Variants in NUP214 observed in about 807,000 individuals in gnomAD.
NUP214 encodes the protein nuclear pore complex protein Nup214.
A neutral mutation model predicts 196.2 loss-of-function variants in NUP214; 79 were observed. The ratio of observed to expected loss-of-function variants is 0.40; its 90% confidence interval spans 0.34 to 0.49. The LOEUF (loss-of-function observed/expected upper bound fraction) is 0.49. NUP214 is among the 20% of genes least tolerant of loss of function. NUP214 has a pLI of 0.58. For missense variants in NUP214, 2,468 were observed against 2,539.0 expected, an observed-to-expected ratio of 0.97 and a Z score of 0.60; for synonymous variants, 1,020 against 990.5, an observed-to-expected ratio of 1.03 and a Z score of -0.56.
chr9:131,229,476 G>C lies in NUP214; in HGVS notation c.6074+1145G>C, dbSNP rs542128035. On this transcript the variant is annotated intron_variant, in intron 33 of 35. Transcript: ENST00000359428. ...ACCACAGAGTTGGTAGAAGGTTTGG[G>C]TTGGCTGGGTATCTTGTGAATTGAT... 94 of 336,652 alleles carry C rather than the reference G, an allele frequency of 2.8e-4. 1 individual carries two copies. The highest frequency in any genetic ancestry group is 1.6e-3 in the African/African-American group (72 of 45,286). 20.9% of individuals were successfully genotyped at this position (336,652 alleles called of 1,614,324 possible). A position where few individuals can be genotyped will look rare whatever the true frequency, so the allele number is the denominator to read the frequency against.
intron 31 of NUP214, among the ~76,000 whole-genome samples, chr9:131,222,000 G>A (rs1834572156): frequency 6.6e-6 from 1 of 152,126 alleles, no homozygotes; most frequent in Admixed American, 6.5e-5. Flanking sequence ...CAGCCATCTT[G>A]GTTTTTAGTA....
chr9:131,146,007 GTA>G lies in NUP214; in HGVS notation c.1770-120_1770-119del, dbSNP rs1439215060. On this transcript the variant is annotated intron_variant, in intron 12 of 35. Coordinates refer to ENST00000359428, the MANE Select transcript of NUP214 (RefSeq NM_005085.4). The surrounding 1 kb of genome is among the most constrained non-coding windows in gnomAD (Gnocchi z 4.6). ...CATTTTTGTTTCCTGAAGGCAAAAAGTATGTTATCTTTGTAAGTTAACATAAA... is the reference window on the plus strand; with the variant it reads ...CATTTTTGTTTCCTGAAGGCAAAAAGTGTTATCTTTGTAAGTTAACATAAA... 5 of 952,122 alleles carry G rather than the reference GTA, an allele frequency of 5.3e-6. No individual in the cohort carries two copies. The highest frequency in any genetic ancestry group is 7.8e-6 in the Non-Finnish European group (5 of 639,186). 59.0% of individuals were successfully genotyped at this position (952,122 alleles called of 1,614,324 possible).
At chr9:131,173,115 G>A (rs2133585121) in intron 21 of NUP214, among the ~76,000 whole-genome samples, 1 of 152,262 alleles carries the variant, frequency 6.6e-6, no homozygotes, top group South Asian at 2.1e-4. Context: ...GCAGTGCAAT[G>A]GTGCAATCTG....
chr9:131,232,775 T>G lies in NUP214; in HGVS notation c.6239+467T>G, dbSNP rs1228573010. Reference sequence around the variant, plus strand: ...CTATAATCCCAGCACTTTGGGAGGCTGAGGTGGGAGGATTGCTTGAGCCCA... The same window carrying G: ...CTATAATCCCAGCACTTTGGGAGGCGGAGGTGGGAGGATTGCTTGAGCCCA... On this transcript the variant is annotated intron_variant, in intron 35 of 35. Transcript: ENST00000359428. This position sits in a 1 kb window ranked among gnomAD's most constrained non-coding sequence, Gnocchi z 5.1. The G allele has an allele frequency of 5.4e-6, 1 of 184,496 alleles. No individual in the cohort carries two copies. The highest frequency in any genetic ancestry group is 1.1e-5 in the Non-Finnish European group (1 of 87,126). 11.4% of individuals were successfully genotyped at this position (184,496 alleles called of 1,614,324 possible).
At chr9:131,205,247 C>G (rs1433265435) in intron 30 of NUP214, among the ~76,000 whole-genome samples, 2 of 152,078 alleles carry the variant, frequency 1.3e-5, no homozygotes, top group Non-Finnish European at 2.9e-5. Context: ...GCCTATGTAA[C>G]CAACAGTGTA....
intron 4 of NUP214, among the ~76,000 whole-genome samples, chr9:131,129,870 T>G (rs1404075414): frequency 6.6e-6 from 1 of 152,044 alleles, no homozygotes; most frequent in Non-Finnish European, 1.5e-5. Context: ...CCGCATATGC[T>G]AGGATTACAG....
intron 30 of NUP214, among the ~76,000 whole-genome samples, chr9:131,206,197 G>T (rs1834082683): frequency 8.6e-6 from 1 of 116,028 alleles, no homozygotes; most frequent in African/African-American, 3.4e-5. Flanking sequence ...CAAGGCTGGA[G>T]TGCAGTGATG....
intron 9 of NUP214, chr9:131,136,475 CCTGT>C (rs1831732173): frequency 6.5e-6 from 1 of 154,838 alleles, no homozygotes; most frequent in Non-Finnish European, 1.4e-5. Flanking sequence ...GGATCCAACC[CCTGT>C]CTGTGGAAAC....
At chr9:131,152,163 A>G (rs1044970879) in intron 17 of NUP214, among the ~76,000 whole-genome samples, 1 of 152,162 alleles carries the variant, frequency 6.6e-6, no homozygotes, top group African/African-American at 2.4e-5. Context: ...TGCCCAGGCT[A>G]GTGTGCAATG....
chr9:131,198,223 G>T lies in NUP214; in HGVS notation c.4729G>T (p.Ala1577Ser). The change falls in exon 29 of 36, where the codon GCC becomes TCC. Residue 1577 changes from alanine (A) to serine (S), a missense_variant. By Grantham distance (99) the Ala-to-Ser change is moderately conservative. This residue lies in a region of NUP214 where 1,801 missense variants were observed against 1,779.4 expected (regional missense o/e 1.01). Transcript: ENST00000359428. Reference sequence around the variant, plus strand: ...CCCAGCCACCACGGGGGTCCCTGATGCCAGGACGGAGGCAGTACCACCTGC... The same window carrying T: ...CCCAGCCACCACGGGGGTCCCTGATTCCAGGACGGAGGCAGTACCACCTGC... ...ATPATTGVPD[A>S]RTEAVPPASS... 6.2e-7 allele frequency: 1 copy of T among 1,614,228 alleles called. No individual in the cohort carries two copies. The highest frequency in any genetic ancestry group is 2.2e-5 in the East Asian group (1 of 44,890).
chr9:131,152,261 G>A (rs1446178789), intron 17 of NUP214, among the ~76,000 whole-genome samples: 1 of 152,108 alleles, frequency 6.6e-6, no homozygotes, highest in Non-Finnish European at 1.5e-5. Context: ...CCACAGGCAT[G>A]TGCCACCACA....
intron 24 of NUP214, among the ~76,000 whole-genome samples, chr9:131,180,066 G>A: frequency 6.6e-6 from 1 of 152,194 alleles, no homozygotes; most frequent in East Asian, 1.9e-4. Flanking sequence ...CTTTTCTCAA[G>A]CTTCATTTCC....
intron 31 of NUP214, among the ~76,000 whole-genome samples, chr9:131,218,644 C>T (rs1056297204): frequency 2.0e-5 from 3 of 151,892 alleles, no homozygotes; most frequent in Admixed American, 6.6e-5. Context: ...CAATCTTCTT[C>T]TCCCTTCCCC....
At chr9:131,136,593 A>T (rs2315078) in intron 9 of NUP214, 37,702 of 152,274 alleles carry the variant, frequency 0.25, 4,780 homozygotes, top group East Asian at 0.42. Context: ...TGCTTGAAAC[A>T]ACTTCTATAC....
chr9:131,206,148 C>CTTTT lies in NUP214; in HGVS notation c.5592+4442_5592+4445dup, dbSNP rs71265048. On this transcript the variant is annotated intron_variant, in intron 30 of 35. Coordinates refer to ENST00000359428, the MANE Select transcript of NUP214 (RefSeq NM_005085.4). The stretch of plus-strand genomic sequence containing the variant: ...TCCACATAGAATTTTTTTCTTTTTT[C>CTTTT]TTTTTTTTTTTTTTGAGACAGGGTT... Among the ~76,000 whole-genome samples the CTTTT allele has an allele frequency of 1.4e-4, 11 of 76,384 alleles. 2 individuals carry two copies. The South Asian group carries it at 1.7e-3, about 12-fold the overall frequency. The allele number at this position is 76,384 out of a possible 152,430, so 50.1% of individuals were successfully genotyped here.
In NUP214 at chr9:131,197,681, CAGT is replaced by C; in HGVS notation, c.4190_4192del (p.Val1397del). On this transcript the variant is annotated inframe_deletion, in exon 29 of 36. Transcript: ENST00000359428. ...GTGACATCCTCTGCAACCACCACCT[CAGT>C]AGCACCACCAGCAGCCACCAGCACT... The C allele has an allele frequency of 6.2e-7, 1 of 1,614,202 alleles. No homozygotes were observed. Among genetic ancestry groups the C allele is most frequent in the Non-Finnish European group, 8.5e-7 (1 of 1,180,024 alleles).
chr9:131,209,757 AT>A (rs1834184756), intron 30 of NUP214, among the ~76,000 whole-genome samples: 1 of 152,202 alleles, frequency 6.6e-6, no homozygotes, highest in South Asian at 2.1e-4. Flanking sequence ...TGCAACAATA[AT>A]TTATTCAGCA....
rs1831490980 is a variant in NUP214, at chr9:131,130,137, G to GTTTTTTGTTTTTT, written c.593-623_593-622insGTTTTTTTTTTTT. On this transcript the variant is annotated intron_variant, in intron 4 of 35. Transcript: ENST00000359428. Reference sequence around the variant, plus strand: ...GAGCAGGAGAATGATTTCTGGTTTTGTTTTTTTTTTTTTGTTTTTTTTTTG... The same window carrying GTTTTTTGTTTTTT: ...GAGCAGGAGAATGATTTCTGGTTTTGTTTTTTGTTTTTTTTTTTTTTTTTTTGTTTTTTTTTTG... 3.9e-5 allele frequency among the ~76,000 whole-genome samples: 3 copies of GTTTTTTGTTTTTT among 76,894 alleles called. 1 individual carries two copies. Among genetic ancestry groups the GTTTTTTGTTTTTT allele is most frequent in the African/African-American group, 1.0e-4 (2 of 19,950 alleles). 50.4% of individuals were successfully genotyped at this position (76,894 alleles called of 152,430 possible). A position where few individuals can be genotyped will look rare whatever the true frequency, so the allele number is the denominator to read the frequency against.
At position 131,132,115 on chromosome 9, in the gene NUP214, C is replaced by CTTTTTTTTTTTTTTTTTTTTT. The variant is rs142450352; in HGVS notation, c.664-478_664-477insTTTTTTTTTTTTTTTTTTTTT. On this transcript the variant is annotated intron_variant, in intron 5 of 35. Coordinates refer to ENST00000359428, the MANE Select transcript of NUP214 (RefSeq NM_005085.4). ...TGCGTTCATGCGTTTCTTTTCTTTT[C>CTTTTTTTTTTTTTTTTTTTTT]TTTCTTTTTTTTTTTTTTTTGGAGA... Among the ~76,000 whole-genome samples the CTTTTTTTTTTTTTTTTTTTTT allele has an allele frequency of 4.6e-5, 5 of 108,180 alleles. 2 individuals are homozygous for CTTTTTTTTTTTTTTTTTTTTT. The highest frequency in any genetic ancestry group is 5.5e-5 in the Non-Finnish European group (3 of 54,830). 71.0% of individuals were successfully genotyped at this position (108,180 alleles called of 152,430 possible).
Sources: allele counts gnomAD v4.1 joint callset (sites outside exome capture counted in the v4.1 genomes callset), GRCh38; gene constraint gnomAD v4.1.1; regional missense constraint gnomAD v4.1.1; non-coding constraint Gnocchi (gnomAD v3.1); transcripts MANE v1.5; gene names NCBI Gene and HGNC (gene_info 2026-07-23, HGNC 2026-07-21).